The following MACF1 variants were observed in gnomAD, a reference collection of about 807,000 sequenced individuals.
The protein encoded by MACF1 is microtubule actin crosslinking factor 1, also known as microtubule-actin cross-linking factor 1.
Under a neutral mutation model 854.8 loss-of-function variants are expected in MACF1, and 193 were observed. The observed-to-expected ratio is 0.23, with a 90% CI of 0.20 to 0.25. The LOEUF is 0.25. Ranked by LOEUF, MACF1 falls within the 10% of genes least tolerant of loss-of-function variation. MACF1 has a pLI of 1.00. For synonymous variants in MACF1, 3,185 were observed against 3,226.7 expected (o/e 0.99, Z 0.44); for missense variants, 7,722 against 8,929.1 (o/e 0.86, Z 5.45).
intron 6 of MACF1, 128 bp downstream of exon 6, chr1:39,258,156 G>T (rs987144564): frequency 7.7e-6 from 6 of 774,896 alleles, no homozygotes; most frequent in African/African-American, 1.8e-5. Flanking sequence ...GTGGATGGGA[G>T]TTGGAAAGGA....
Position 39,387,858 on chromosome 1 carries a change from G to A in MACF1, c.15016G>A (p.Glu5006Lys), listed in dbSNP as rs372693965. ...GCTGCAGGCCAAAACAGGGTCACTC[G>A]AAGAAATGACTCAGAGGCTCAGGGA... ...EELQAKTGSL[E>K]EMTQRLREFQ... Residue 5006 changes from glutamate (E) to lysine (K), a missense_variant, in exon 58 of 101, where the codon GAA (glutamate) becomes AAA (lysine). Physicochemically the swap from Glu to Lys is moderately conservative, Grantham distance 56. Coordinates refer to ENST00000564288, the MANE Select transcript of MACF1 (RefSeq NM_001394062.1). 6.7e-5 allele frequency: 108 copies of A among 1,613,944 alleles called. 1 individual carries two copies. Among genetic ancestry groups the A allele is most frequent in the Non-Finnish European group, 8.3e-5 (98 of 1,180,028 alleles).
intron 42 of MACF1, among the ~76,000 whole-genome samples, chr1:39,349,862 C>T (rs1647139421): frequency 6.6e-6 from 1 of 152,178 alleles, no homozygotes; most frequent in Non-Finnish European, 1.5e-5. Flanking sequence ...ACTCTGGGCT[C>T]AAGCAATCCT....
chr1:39,251,623 G>A (rs1374520821), intron 3 of MACF1, among the ~76,000 whole-genome samples: 1 of 152,168 alleles, frequency 6.6e-6, no homozygotes, highest in African/African-American at 2.4e-5. Context: ...AAGCAGAGAG[G>A]GTAGGAGGCT....
intron 17 of MACF1, among the ~76,000 whole-genome samples, chr1:39,293,102 A>G (rs998430443): frequency 9.9e-5 from 15 of 152,206 alleles, no homozygotes; most frequent in African/African-American, 2.4e-4. Context: ...ACGTGTGGCT[A>G]TATGTGCTTT....
chr1:39,231,005 G>A (rs571612750), intron 1 of MACF1, among the ~76,000 whole-genome samples, 177 bp from the exon 2 acceptor site: 1 of 152,298 alleles, frequency 6.6e-6, no homozygotes, highest in South Asian at 2.1e-4. Flanking sequence ...AACTGACAAC[G>A]TGATCAGGGC....
At chr1:39,247,034 T>G (rs1233269906) in intron 2 of MACF1, among the ~76,000 whole-genome samples, 1 of 150,708 alleles carries the variant, frequency 6.6e-6, no homozygotes, top group Non-Finnish European at 1.5e-5. Context: ...CTCGAGTAGC[T>G]GGGATTACAG....
intron 61 of MACF1, among the ~76,000 whole-genome samples, chr1:39,426,778 T>TTG (rs1553394221): frequency 5.9e-5 from 9 of 151,334 alleles, no homozygotes; most frequent in Admixed American, 4.6e-4. Flanking sequence ...GGTTTTTTTT[T>TTG]GGGGGGGGTG....
At chr1:39,448,283 C>A in intron 83 of MACF1, 131 bp downstream of exon 83, 2 of 1,048,864 alleles carry the variant, frequency 1.9e-6, no homozygotes, top group East Asian at 2.4e-5. Context: ...AATGATGAAG[C>A]CAGGGTTCCA....
At chr1:39,255,524 A>G (rs970302092) in intron 5 of MACF1, among the ~76,000 whole-genome samples, 2 of 152,210 alleles carry the variant, frequency 1.3e-5, no homozygotes. Context: ...TTTGACACTC[A>G]TATCAGTAAT....
At chr1:39,184,161 G>A (rs1644138671) in intron 2 of MACF1, among the ~76,000 whole-genome samples, 1 of 152,194 alleles carries the variant, frequency 6.6e-6, no homozygotes, top group Non-Finnish European at 1.5e-5. Flanking sequence ...TGCCCTCAGA[G>A]CATATGGTTG....
At chr1:39,405,543 C>G (rs183967504) in intron 58 of MACF1, among the ~76,000 whole-genome samples, 5 of 152,238 alleles carry the variant, frequency 3.3e-5, no homozygotes, top group African/African-American at 1.2e-4. Context: ...GATGCCAGGT[C>G]CAAAACTTGG....
chr1:39,095,874 CA>C lies in MACF1; in HGVS notation c.220+11447del, dbSNP rs367925397. On this transcript the variant is annotated intron_variant, in intron 2 of 93. Transcript: ENST00000361689. ...AGGCAACAGAGTGAGATGGCTGTCTCAAAAAAAAAAATGGCTGGGTGCAATG... is the reference window on the plus strand; with the variant it reads ...AGGCAACAGAGTGAGATGGCTGTCTCAAAAAAAAAATGGCTGGGTGCAATG... 8.1e-3 allele frequency among the ~76,000 whole-genome samples: 1,133 copies of C among 139,906 alleles called. 13 individuals carry two copies. Among genetic ancestry groups the C allele is most frequent in the African/African-American group, 0.027 (1,038 of 38,138 alleles). 91.8% of individuals were successfully genotyped at this position (139,906 alleles called of 152,430 possible).
chr1:39,324,502 CT>C (rs2148457663), intron 34 of MACF1, 143 bp from the exon 35 acceptor site: 1 of 1,090,250 alleles, frequency 9.2e-7, no homozygotes, highest in Non-Finnish European at 1.3e-6. Context: ...GTTCTTGTAC[CT>C]TTTTATCAGC....
At chr1:39,190,174 G>A (rs1644232800) in intron 2 of MACF1, among the ~76,000 whole-genome samples, 1 of 151,932 alleles carries the variant, frequency 6.6e-6, no homozygotes, top group East Asian at 1.9e-4. Context: ...AGTGCTTTTT[G>A]TTTCATTCTT....
chr1:39,096,228 G>A (rs547994094), intron 2 of MACF1, among the ~76,000 whole-genome samples: 2 of 151,286 alleles, frequency 1.3e-5, no homozygotes, highest in Admixed American at 6.6e-5. Context: ...GTCTTGCTTT[G>A]GGAGGAAAAA....
chr1:39,393,206 T>TATATAG (rs1642123667), intron 58 of MACF1, among the ~76,000 whole-genome samples: 1 of 132,070 alleles, frequency 7.6e-6, no homozygotes, highest in East Asian at 2.0e-4. Flanking sequence ...AATATATATA[T>TATATAG]ATATATATAT....
Position 39,387,574 on chromosome 1 carries a change from A to G in MACF1, c.14732A>G (p.His4911Arg). 1.2e-6 allele frequency: 2 copies of G among 1,614,184 alleles called. No individual in the cohort carries two copies. The highest frequency in any genetic ancestry group is 1.7e-6 in the Non-Finnish European group (2 of 1,180,044). ...CMQKAQKYQW[H>R]VEDLVPWIED... The stretch of plus-strand genomic sequence containing the variant: ...CAGAAAGCTCAGAAATATCAGTGGC[A>G]TGTGGAAGACCTTGTGCCATGGATA... The change falls in exon 58 of 101, where the codon CAT becomes CGT. Residue 4911 changes from histidine (H) to arginine (R), a missense_variant. Coordinates refer to ENST00000564288, the MANE Select transcript of MACF1 (RefSeq NM_001394062.1).
intron 2 of MACF1, among the ~76,000 whole-genome samples, chr1:39,143,776 C>T (rs1351694737): frequency 6.6e-6 from 1 of 152,062 alleles, no homozygotes; most frequent in African/African-American, 2.4e-5. Context: ...TTTTTCTTTT[C>T]TTTTCTTTCC....
intron 1 of MACF1, among the ~76,000 whole-genome samples, chr1:39,220,480 A>ATT (rs1557525571): frequency 2.9e-4 from 15 of 52,498 alleles, no homozygotes; most frequent in East Asian, 6.9e-4. Flanking sequence ...GCCTTTAATG[A>ATT]ATTTTTTTTT....
Sources: allele counts gnomAD v4.1 joint callset (sites outside exome capture counted in the v4.1 genomes callset), GRCh38; gene constraint gnomAD v4.1.1; transcripts MANE v1.5; gene names NCBI Gene and HGNC (gene_info 2026-07-23, HGNC 2026-07-21).